Variants in FREM3 observed in about 807,000 individuals in gnomAD.
FREM3 encodes FRAS1-related extracellular matrix protein 3.
FREM3 carries 105 observed loss-of-function variants against 129.1 expected under a neutral mutation model. The ratio of observed to expected loss-of-function variants is 0.81; its 90% CI spans 0.69 to 0.96. The LOEUF (loss-of-function observed/expected upper bound fraction) is 0.96, where lower values mean the gene tolerates loss of function less well. Among genes scored for constraint, FREM3 ranks in the 40% least tolerant of loss-of-function variants. FREM3 has a pLI of 0.00. For synonymous variants in FREM3, 1,014 were observed against 1,044.9 expected (o/e 0.97, Z 0.57); for missense variants, 2,593 against 2,666.3 (o/e 0.97, Z 0.61).
intron 2 of FREM3, among the ~76,000 whole-genome samples, chr4:143,689,644 A>T (rs1052428145): frequency 1.3e-5 from 2 of 152,102 alleles, no homozygotes; most frequent in Non-Finnish European, 2.9e-5. Flanking sequence ...ATGACCATCA[A>T]TAAACGAGTG....
At position 143,692,253 on chromosome 4, in the gene FREM3, T is replaced by TA. The variant is rs201444067; in HGVS notation, c.5275+859dup. ...AATGAATGAAGAGGACAAGGTCACT[T>TA]ACTCAAGGTCACACGGGACAAGTTG... On this transcript the variant is annotated intron_variant, in intron 2 of 7. Coordinates refer to ENST00000329798, the MANE Select transcript of FREM3 (RefSeq NM_001168235.2). Among the ~76,000 whole-genome samples the TA allele has an allele frequency of 4.3e-3, 662 of 152,266 alleles. 19 individuals are homozygous for TA. Among genetic ancestry groups the TA allele is most frequent in the Admixed American group, 0.04 (611 of 15,292 alleles).
chr4:143,616,552 C>T (rs192889054), intron 5 of FREM3, among the ~76,000 whole-genome samples: 121 of 152,044 alleles, frequency 8.0e-4, no homozygotes, highest in Non-Finnish European at 1.6e-3. Context: ...TTTGGGAGGC[C>T]GAGGCGGACG....
chr4:143,610,970 G>A (rs1738745263), intron 6 of FREM3, among the ~76,000 whole-genome samples: 1 of 152,110 alleles, frequency 6.6e-6, no homozygotes, highest in Non-Finnish European at 1.5e-5. Context: ...AGTCCTGGTT[G>A]GGTAATTAGA....
At chr4:143,606,413 T>G (rs919097730) in intron 6 of FREM3, among the ~76,000 whole-genome samples, 1 of 152,100 alleles carries the variant, frequency 6.6e-6, no homozygotes, top group Non-Finnish European at 1.5e-5. Flanking sequence ...CTGCAACCCT[T>G]TTAAACTAAC....
intron 2 of FREM3, among the ~76,000 whole-genome samples, chr4:143,649,615 T>C (rs1344866622): frequency 2.0e-5 from 3 of 152,244 alleles, no homozygotes; most frequent in Non-Finnish European, 4.4e-5. Context: ...AAGATATTCA[T>C]GGCTTTCAAT....
chr4:143,695,395 G>GTT (rs1740545730), intron 1 of FREM3, 96 bp downstream of exon 1: 2 of 1,053,182 alleles, frequency 1.9e-6, no homozygotes, highest in Non-Finnish European at 2.6e-6. Flanking sequence ...GAATCTTACT[G>GTT]CAAATGGCTG....
At chr4:143,579,478 T>C (rs1295203949) in intron 7 of FREM3, among the ~76,000 whole-genome samples, 1 of 152,156 alleles carries the variant, frequency 6.6e-6, no homozygotes, top group Non-Finnish European at 1.5e-5. Flanking sequence ...AACAAGGTTA[T>C]AGTGAAAATT....
chr4:143,601,429 C>T (rs73852629), intron 6 of FREM3, among the ~76,000 whole-genome samples: 3,514 of 152,206 alleles, frequency 0.023, 141 homozygotes, highest in African/African-American at 0.08. Flanking sequence ...ATATATAACC[C>T]TCTGTGAAAC....
At chr4:143,630,809 A>G (rs1406610323) in intron 2 of FREM3, among the ~76,000 whole-genome samples, 2 of 152,214 alleles carry the variant, frequency 1.3e-5, no homozygotes, top group Admixed American at 1.3e-4. Context: ...CTAGTTCTAG[A>G]TGAATCCAAG....
intron 2 of FREM3, among the ~76,000 whole-genome samples, chr4:143,655,587 A>C (rs1739586107): frequency 6.6e-6 from 1 of 152,244 alleles, no homozygotes; most frequent in Admixed American, 6.5e-5. Context: ...TGTGAAACAA[A>C]AGGCAGCATC....
rs1054833840 is a variant in FREM3 at position 143,696,633 on chromosome 4, G to C, written c.4043C>G (p.Ser1348Cys). Residue 1348 changes from serine (S) to cysteine (C), a missense_variant, in exon 1 of 8, where the codon TCT (serine) becomes TGT (cysteine). Physicochemically the swap from Ser to Cys is moderately radical, Grantham distance 112. Around this residue, in one of 2 missense-constraint regions of FREM3, gnomAD observed 2,276 missense variants for 2,267.2 expected, o/e 1.00. Transcript: ENST00000329798. ...CTGTAGAAGCCCTTGTTGAGGCCCA[G>C]AATGGAGGACAAAACTGAGGCTTTT... ...DDKSLSFVLH[S>C]GPQQGLLQRL... The C allele has an allele frequency of 2.0e-6, 3 of 1,537,820 alleles. No individual in the cohort carries two copies. The highest frequency in any genetic ancestry group is 2.6e-6 in the Non-Finnish European group (3 of 1,147,030).
chr4:143,580,796 T>C (rs1470547939), intron 7 of FREM3, among the ~76,000 whole-genome samples: 1 of 152,206 alleles, frequency 6.6e-6, no homozygotes, highest in Non-Finnish European at 1.5e-5. Flanking sequence ...CCTGCAGTCT[T>C]CAGGCTCTGG....
chr4:143,681,592 C>G (rs552736508), intron 2 of FREM3, among the ~76,000 whole-genome samples: 1 of 152,090 alleles, frequency 6.6e-6, no homozygotes, highest in South Asian at 2.1e-4. Context: ...GGTGAAGTAG[C>G]CTTAGTCCGG....
chr4:143,604,262 A>G (rs1175285776), intron 6 of FREM3, among the ~76,000 whole-genome samples: 1 of 152,118 alleles, frequency 6.6e-6, no homozygotes, highest in Non-Finnish European at 1.5e-5. Context: ...CCACAGAACC[A>G]TGGCCCAAAT....
Position 143,700,401 on chromosome 4 carries a change from C to T in FREM3, c.275G>A (p.Gly92Glu). 1.3e-6 allele frequency: 2 copies of T among 1,534,466 alleles called. No individual in the cohort carries two copies. The highest frequency in any genetic ancestry group is 1.7e-6 in the Non-Finnish European group (2 of 1,145,780). Residue 92 changes from glycine to glutamate, a missense_variant, in exon 1 of 8, where the codon GGG becomes GAG. Gly to Glu is a moderately conservative substitution (Grantham distance 98, BLOSUM62 -2). This residue lies in a region of FREM3 where 2,276 missense variants were observed against 2,267.2 expected (regional missense o/e 1.00). Coordinates refer to ENST00000329798, the MANE Select transcript of FREM3 (RefSeq NM_001168235.2). ...CAGTACCGTGACTTCGCACCGGTCC[C>T]CCGGCTGCACTCCAATCACCAGATC... ...LRDLVIGVQP[G>E]DRCEVTVLDA...
At chr4:143,665,740 T>TC (rs1280909661) in intron 2 of FREM3, among the ~76,000 whole-genome samples, 2 of 152,098 alleles carry the variant, frequency 1.3e-5, no homozygotes, top group Non-Finnish European at 2.9e-5. Flanking sequence ...ACAAATTGTT[T>TC]CCCCTCTGCC....
intron 6 of FREM3, among the ~76,000 whole-genome samples, chr4:143,600,548 G>A (rs982436225): frequency 6.6e-6 from 1 of 152,078 alleles, no homozygotes; most frequent in African/African-American, 2.4e-5. Context: ...AAATAAAAAA[G>A]TTGTTTTGAA....
In FREM3 at chr4:143,627,908, G is replaced by A. The variant is rs987304377; in HGVS notation, c.5276-148C>T. ...TATTTTTTTGGTAGAGAGAGGAAAT[G>A]TTGTTTGCTTTTCTAGAGGATGTCA... On this transcript the variant is annotated intron_variant, in intron 2 of 7. Transcript: ENST00000329798. 38 of 622,692 alleles carry A rather than the reference G, an allele frequency of 6.1e-5. No individual in the cohort carries two copies. In the Admixed American group the frequency reaches 7.5e-4, roughly 12 times the overall value. The allele number at this position is 622,692 out of a possible 1,614,324, so 38.6% of individuals were successfully genotyped here.
At chr4:143,655,726 A>T (rs1422078909) in intron 2 of FREM3, among the ~76,000 whole-genome samples, 1 of 152,170 alleles carries the variant, frequency 6.6e-6, no homozygotes, top group Non-Finnish European at 1.5e-5. Flanking sequence ...TGCTTCTCAA[A>T]CCTTACAGCC....
Sources: allele counts gnomAD v4.1 joint callset (sites outside exome capture counted in the v4.1 genomes callset), GRCh38; gene constraint gnomAD v4.1.1; regional missense constraint gnomAD v4.1.1; transcripts MANE v1.5; gene names NCBI Gene and HGNC (gene_info 2026-07-23, HGNC 2026-07-21).